The following ULK4 variants were observed in gnomAD, a reference collection of about 807,000 sequenced individuals.
ULK4 encodes inactive serine/threonine-protein kinase ULK4.
In ULK4, 133 loss-of-function variants were observed where a neutral mutation model predicts 160.6. The ratio of observed to expected loss-of-function variants is 0.83; its 90% CI spans 0.72 to 0.96. The LOEUF (loss-of-function observed/expected upper bound fraction) is 0.96, where lower values mean the gene tolerates loss of function less well. ULK4 is among the 40% of genes least tolerant of loss of function. ULK4 has a pLI of 0.00. For missense variants in ULK4, 1,580 were observed against 1,499.5 expected (o/e 1.05, Z -0.89); for synonymous variants, 534 against 539.8 (o/e 0.99, Z 0.15).
chr3:41,668,861 A>T (rs1300514329), intron 29 of ULK4, among the ~76,000 whole-genome samples: 1 of 152,230 alleles, frequency 6.6e-6, no homozygotes, highest in African/African-American at 2.4e-5. Flanking sequence ...ATGTAAAATG[A>T]ATGAGAAAAA....
In ULK4 at chr3:41,946,161, T is replaced by C. The variant is rs1342328269; in HGVS notation, c.139-7964A>G. 2.0e-5 allele frequency among the ~76,000 whole-genome samples: 3 copies of C among 152,208 alleles called. No individual in the cohort carries two copies. In the South Asian group the frequency reaches 6.2e-4, roughly 32 times the overall value. ...TATGGTTTGTATACTCTCCCGTATGTATATTTTACTTCAATAAAAAGATTC... is the reference window on the plus strand; with the variant it reads ...TATGGTTTGTATACTCTCCCGTATGCATATTTTACTTCAATAAAAAGATTC... On this transcript the variant is annotated intron_variant, in intron 2 of 36. Coordinates refer to ENST00000301831, the MANE Select transcript of ULK4 (RefSeq NM_017886.4).
At chr3:41,401,561 CT>C (rs1183753549) in intron 34 of ULK4, among the ~76,000 whole-genome samples, 3 of 152,104 alleles carry the variant, frequency 2.0e-5, no homozygotes, top group Admixed American at 6.6e-5. Flanking sequence ...CTCTAGGAAT[CT>C]TATGGATTCC....
chr3:41,552,540 C>T (rs1378088836), intron 32 of ULK4, among the ~76,000 whole-genome samples: 1 of 151,578 alleles, frequency 6.6e-6, no homozygotes, highest in African/African-American at 2.4e-5. Flanking sequence ...ATAAATTTAA[C>T]CAAGGAGGTA....
chr3:41,473,201 T>G (rs2084038638), intron 32 of ULK4, among the ~76,000 whole-genome samples: 2 of 152,182 alleles, frequency 1.3e-5, no homozygotes, highest in Non-Finnish European at 2.9e-5. Context: ...TGCCCACTCT[T>G]GCCACTTATA....
intron 35 of ULK4, among the ~76,000 whole-genome samples, chr3:41,331,435 T>C (rs532056617): frequency 6.6e-6 from 1 of 152,246 alleles, no homozygotes; most frequent in Admixed American, 6.5e-5. Flanking sequence ...GACTGTTTAA[T>C]ATTAATTCCT....
chr3:41,660,291 C>T (rs765043981), intron 30 of ULK4, among the ~76,000 whole-genome samples: 3 of 148,054 alleles, frequency 2.0e-5, no homozygotes, highest in Non-Finnish European at 4.4e-5. Flanking sequence ...AGTGAAACTC[C>T]GTCTCAAAAA....
intron 35 of ULK4, among the ~76,000 whole-genome samples, chr3:41,253,789 T>C (rs1030963950): frequency 1.3e-5 from 2 of 152,128 alleles, no homozygotes; most frequent in African/African-American, 2.4e-5. Flanking sequence ...TATAATGAGA[T>C]AGTGGTTTAA....
chr3:41,418,350 G>T (rs1222583014), intron 34 of ULK4, among the ~76,000 whole-genome samples: 1 of 143,460 alleles, frequency 7.0e-6, no homozygotes, highest in Non-Finnish European at 1.5e-5. Context: ...GGCGGGGGGG[G>T]GGGCACGTTT....
chr3:41,693,011 T>C (rs1010031300), intron 27 of ULK4, among the ~76,000 whole-genome samples: 7 of 152,216 alleles, frequency 4.6e-5, no homozygotes, highest in Non-Finnish European at 8.8e-5. Context: ...TAAATAATAG[T>C]AAATGCATTG....
intron 32 of ULK4, among the ~76,000 whole-genome samples, chr3:41,510,261 C>T (rs1167578064): frequency 6.6e-6 from 1 of 152,092 alleles, no homozygotes; most frequent in Non-Finnish European, 1.5e-5. Context: ...GATAAGAGGA[C>T]TAGTACAACA....
intron 34 of ULK4, among the ~76,000 whole-genome samples, chr3:41,432,029 G>T (rs537635245): frequency 6.6e-6 from 1 of 151,980 alleles, no homozygotes; most frequent in Non-Finnish European, 1.5e-5. Context: ...CTGACCTCGT[G>T]ATCCACCCAC....
chr3:41,439,496 C>T (rs768452859), intron 34 of ULK4, among the ~76,000 whole-genome samples: 3 of 152,102 alleles, frequency 2.0e-5, no homozygotes, highest in Non-Finnish European at 4.4e-5. Flanking sequence ...CTAAAAATGA[C>T]TTATTTTTAA....
chr3:41,795,248 T>C (rs900091324), intron 20 of ULK4, among the ~76,000 whole-genome samples: 1 of 152,222 alleles, frequency 6.6e-6, no homozygotes, highest in Non-Finnish European at 1.5e-5. Flanking sequence ...TGTAAATCTA[T>C]TAACCGTGCA....
At chr3:41,433,087 T>C (rs1480444935) in intron 34 of ULK4, among the ~76,000 whole-genome samples, 2 of 152,132 alleles carry the variant, frequency 1.3e-5, no homozygotes, top group African/African-American at 2.4e-5. Flanking sequence ...AAAAAGTCTA[T>C]TTGTTGTGAA....
At chr3:41,787,838 TTATA>T (rs1469487096) in intron 21 of ULK4, among the ~76,000 whole-genome samples, 5 of 152,186 alleles carry the variant, frequency 3.3e-5, no homozygotes, top group African/African-American at 1.2e-4. Context: ...GGAATAGTAG[TTATA>T]TATGATAAAT....
rs12172965 is a variant in ULK4 at position 41,573,367 on chromosome 3, C to T, written c.3121-7237G>A. The stretch of plus-strand genomic sequence containing the variant: ...ACCAGCCTTTCCAAAGCAGTTTCAC[C>T]GTAGACAGGGCATTCTATTTTACTG... On this transcript the variant is annotated intron_variant, in intron 31 of 36. Coordinates refer to ENST00000301831, the MANE Select transcript of ULK4 (RefSeq NM_017886.4). 5.3e-5 allele frequency among the ~76,000 whole-genome samples: 8 copies of T among 152,186 alleles called. No individual in the cohort carries two copies. The East Asian group carries it at 7.7e-4, about 15-fold the overall frequency.
intron 12 of ULK4, among the ~76,000 whole-genome samples, chr3:41,907,135 G>C (rs1698598343): frequency 6.6e-6 from 1 of 152,274 alleles, no homozygotes; most frequent in South Asian, 2.1e-4. Context: ...TATACTAGTG[G>C]TTGCCTAGTA....
At chr3:41,458,297 A>T (rs184264861) in intron 33 of ULK4, among the ~76,000 whole-genome samples, 388 of 152,340 alleles carry the variant, frequency 2.5e-3, no homozygotes, top group Non-Finnish European at 4.6e-3. Flanking sequence ...ATGAGATCCT[A>T]GAGGATGGGG....
rs770652544 is a variant in ULK4 at position 41,912,919 on chromosome 3, TAA to T, written c.804-22_804-21del. 1.9e-6 allele frequency: 3 copies of T among 1,610,688 alleles called. No individual in the cohort carries two copies. The highest frequency in any genetic ancestry group is 2.5e-6 in the Non-Finnish European group (3 of 1,177,450). ...GTCAATCTTTAAAAAACATAAATGT[TAA>T]AACTCTACTTTAACATGATTTACCA... On this transcript the variant is annotated intron_variant, in intron 8 of 36. Transcript: ENST00000301831.
Sources: allele counts gnomAD v4.1 joint callset (sites outside exome capture counted in the v4.1 genomes callset), GRCh38; gene constraint gnomAD v4.1.1; transcripts MANE v1.5; gene names NCBI Gene and HGNC (gene_info 2026-07-23, HGNC 2026-07-21).